Variants in SIPA1L1 observed in about 807,000 individuals in gnomAD.
SIPA1L1 encodes signal-induced proliferation-associated 1-like protein 1.
Under a neutral mutation model 162.7 loss-of-function variants are expected in SIPA1L1, and 26 were observed. That is an observed-to-expected ratio of 0.16 (90% CI 0.12 to 0.22). The LOEUF is 0.22. Among genes scored for constraint, SIPA1L1 ranks in the 10% least tolerant of loss-of-function variants. The pLI is 1.00. For missense variants in SIPA1L1, 1,874 were observed against 2,241.0 expected, an observed-to-expected ratio of 0.84 and a Z score of 3.31; for synonymous variants, 829 against 837.4, an observed-to-expected ratio of 0.99 and a Z score of 0.17.
At chr14:71,538,261 T>C (rs2054076072) in intron 4 of SIPA1L1, among the ~76,000 whole-genome samples, 2 of 152,194 alleles carry the variant, frequency 1.3e-5, no homozygotes, top group Non-Finnish European at 2.9e-5. Flanking sequence ...CGAGGTGATT[T>C]CTAACTATTC....
In SIPA1L1 at chr14:71,705,290, T is replaced by A. The variant is rs764781307; in HGVS notation, c.3715T>A (p.Leu1239Ile). ...TTTCCGAGAGAGCCCCAGTGGGAGA[T>A]TAATGCGGCAGGATCCAGTGGTTCA... ...PAFRESPSGR[L>I]MRQDPVVHLS... Residue 1239 changes from leucine to isoleucine, a missense_variant, in exon 16 of 24, where the codon TTA becomes ATA. Leu to Ile is a conservative substitution (Grantham distance 5, BLOSUM62 2). This residue lies in a region of SIPA1L1 where 936 missense variants were observed against 1,051.9 expected (regional missense o/e 0.89). Transcript: ENST00000381232. 4 of 1,614,160 alleles carry A rather than the reference T, an allele frequency of 2.5e-6. No individual in the cohort carries two copies. The highest frequency in any genetic ancestry group is 3.4e-6 in the Non-Finnish European group (4 of 1,180,020).
intron 7 of SIPA1L1, 130 bp from the exon 8 acceptor site, chr14:71,650,205 C>T (rs1478032770): frequency 1.1e-5 from 10 of 929,730 alleles, no homozygotes; most frequent in Non-Finnish European, 1.6e-5. Context: ...ACGGAAAATA[C>T]AGAAGGATTT....
chr14:71,619,219 G>A lies in SIPA1L1; in HGVS notation c.1629+332G>A, dbSNP rs539900270. On this transcript the variant is annotated intron_variant, in intron 6 of 23. Transcript: ENST00000381232. Reference sequence around the variant, plus strand: ...ATCCTGCTTAGGGCTACTGGAAAGCGCCAAGCCAACTTGAGGAGCCAGGAT... The same window carrying A: ...ATCCTGCTTAGGGCTACTGGAAAGCACCAAGCCAACTTGAGGAGCCAGGAT... Among the ~76,000 whole-genome samples, 16 of 152,244 alleles carry A rather than the reference G, an allele frequency of 1.1e-4. No individual in the cohort carries two copies. In the South Asian group the frequency reaches 1.4e-3, roughly 14 times the overall value.
intron 2 of SIPA1L1, among the ~76,000 whole-genome samples, chr14:71,455,354 A>T (rs1330474240): frequency 1.3e-5 from 2 of 151,978 alleles, no homozygotes; most frequent in Non-Finnish European, 2.9e-5. Context: ...CCCTTTTCTT[A>T]AATTATTTGG....
At chr14:71,683,917 G>T (rs2046033991) in intron 12 of SIPA1L1, among the ~76,000 whole-genome samples, 2 of 152,202 alleles carry the variant, frequency 1.3e-5, no homozygotes, top group African/African-American at 4.8e-5. Flanking sequence ...ATGAGAGGAA[G>T]GATGCACATC....
Position 71,710,198 on chromosome 14 carries a change from G to C in SIPA1L1, c.4208+534G>C, listed in dbSNP as rs532035102. On this transcript the variant is annotated intron_variant, in intron 17 of 23. Transcript: ENST00000381232. ...CTCCTGGCAGCAATGGGTTGAGAGT[G>C]GGGGATGTCCAATAGAAACGTGTAG... is the stretch of plus-strand genomic sequence containing the variant. Among the ~76,000 whole-genome samples the C allele has an allele frequency of 5.1e-4, 77 of 152,286 alleles. 1 individual carries two copies. Among genetic ancestry groups the C allele is most frequent in the Admixed American group, 1.1e-3 (17 of 15,306 alleles).
At chr14:71,728,990 A>G (rs2084497007) in intron 19 of SIPA1L1, among the ~76,000 whole-genome samples, 1 of 152,206 alleles carries the variant, frequency 6.6e-6, no homozygotes, top group South Asian at 2.1e-4. Flanking sequence ...TTTGTCATGT[A>G]TATTTAAATA....
intron 20 of SIPA1L1, among the ~76,000 whole-genome samples, chr14:71,731,248 T>C (rs1466258801): frequency 6.6e-6 from 1 of 152,206 alleles, no homozygotes; most frequent in Admixed American, 6.5e-5. Flanking sequence ...TGTTCCTCCA[T>C]GTCTCTGTCC....
chr14:71,549,384 G>A (rs924210921), intron 4 of SIPA1L1, among the ~76,000 whole-genome samples: 2 of 151,964 alleles, frequency 1.3e-5, no homozygotes, highest in African/African-American at 4.8e-5. Flanking sequence ...CACAGAGAAG[G>A]AGCTGTCCCA....
chr14:71,441,802 A>T (rs920686478), intron 2 of SIPA1L1, among the ~76,000 whole-genome samples: 1 of 152,108 alleles, frequency 6.6e-6, no homozygotes, highest in African/African-American at 2.4e-5. Context: ...ACTTTTTTTG[A>T]TATGTTGCTT....
chr14:71,570,622 A>C (rs1490569579), intron 4 of SIPA1L1, among the ~76,000 whole-genome samples: 1 of 152,178 alleles, frequency 6.6e-6, no homozygotes, highest in Admixed American at 6.5e-5. Context: ...GTTATAGCAG[A>C]CATATTAGCA....
chr14:71,422,617 A>G (rs2043269983), intron 2 of SIPA1L1, among the ~76,000 whole-genome samples: 1 of 152,198 alleles, frequency 6.6e-6, no homozygotes, highest in African/African-American at 2.4e-5. Context: ...CACTTACCAT[A>G]ATGTCTGAAG....
intron 2 of SIPA1L1, among the ~76,000 whole-genome samples, chr14:71,432,804 C>G (rs898271061): frequency 6.6e-6 from 1 of 152,166 alleles, no homozygotes; most frequent in African/African-American, 2.4e-5. Flanking sequence ...TTTCATAGTA[C>G]TGAATAAATC....
intron 5 of SIPA1L1, among the ~76,000 whole-genome samples, chr14:71,597,363 A>G (rs566170187): frequency 6.6e-6 from 1 of 151,996 alleles, no homozygotes; most frequent in African/African-American, 2.4e-5. Context: ...ATTTTTTTCT[A>G]AGTTCTTTTT....
At chr14:71,483,285 C>G (rs375382207) in intron 2 of SIPA1L1, among the ~76,000 whole-genome samples, 1 of 152,144 alleles carries the variant, frequency 6.6e-6, no homozygotes, top group African/African-American at 2.4e-5. Context: ...TAATTAGAGG[C>G]ATTTGAGCAT....
intron 4 of SIPA1L1, among the ~76,000 whole-genome samples, chr14:71,529,745 CAT>C (rs2053251191): frequency 6.6e-6 from 1 of 152,214 alleles, no homozygotes; most frequent in East Asian, 1.9e-4. Flanking sequence ...ATGATTGACT[CAT>C]GAACTCTGGC....
At chr14:71,424,874 T>C (rs2043448466) in intron 2 of SIPA1L1, among the ~76,000 whole-genome samples, 1 of 152,124 alleles carries the variant, frequency 6.6e-6, no homozygotes, top group Non-Finnish European at 1.5e-5. Context: ...AATTTACCAG[T>C]GAAGCCATTA....
intron 6 of SIPA1L1, among the ~76,000 whole-genome samples, chr14:71,620,469 A>G (rs1009824391): frequency 6.6e-6 from 1 of 152,186 alleles, no homozygotes; most frequent in African/African-American, 2.4e-5. Flanking sequence ...TCTGATTTAA[A>G]TACCCATCAT....
chr14:71,737,073 C>G (rs531180683), intron 22 of SIPA1L1, among the ~76,000 whole-genome samples: 21 of 152,156 alleles, frequency 1.4e-4, no homozygotes, highest in Admixed American at 3.9e-4. Flanking sequence ...TGTCCCTTCT[C>G]AAACCCATTC....
Sources: gnomAD v4.1 joint callset for allele counts (sites outside exome capture counted in the v4.1 genomes callset) on GRCh38, gnomAD v4.1.1 for gene constraint, gnomAD v4.1.1 regional missense constraint, MANE v1.5 for transcripts, NCBI Gene and HGNC (gene_info 2026-07-23, HGNC 2026-07-21) for gene names.